The following FRYL variants were observed in gnomAD, a reference collection of about 807,000 sequenced individuals.
The protein encoded by FRYL is protein furry homolog-like.
Under a neutral mutation model 351.2 loss-of-function variants are expected in FRYL, and 150 were observed. That is an observed-to-expected ratio of 0.43 (90% CI 0.37 to 0.49). The LOEUF is 0.49. Among genes scored for constraint, FRYL ranks in the 20% least tolerant of loss-of-function variants. The probability of loss-of-function intolerance (pLI) is 0.00; values close to 1 mark genes in which losing one functional copy is unlikely to be tolerated. For missense variants in FRYL, 3,036 were observed against 3,619.3 expected, an observed-to-expected ratio of 0.84 and a Z score of 4.13; for synonymous variants, 1,153 against 1,257.1, an observed-to-expected ratio of 0.92 and a Z score of 1.75.
chr4:48,561,023 T>C (rs1437224380), intron 33 of FRYL, among the ~76,000 whole-genome samples: 1 of 152,170 alleles, frequency 6.6e-6, no homozygotes, highest in Non-Finnish European at 1.5e-5. Flanking sequence ...AGAAAGAGTT[T>C]TGCTCGAGGC....
At chr4:48,575,008 G>A (rs1467817061) in intron 25 of FRYL, 109 bp downstream of exon 25, 42 of 891,664 alleles carry the variant, frequency 4.7e-5, no homozygotes, top group East Asian at 1.3e-4. Flanking sequence ...CCTGGTATGC[G>A]GTCAAGCACT....
At chr4:48,687,516 A>AGG (rs1560861234) in intron 2 of FRYL, among the ~76,000 whole-genome samples, 5 of 46,500 alleles carry the variant, frequency 1.1e-4, no homozygotes, top group Admixed American at 2.5e-4. Context: ...GTGAGGGGGG[A>AGG]GGGGGGCGGA....
At position 48,530,431 on chromosome 4, in the gene FRYL, C is replaced by G. The variant is rs539196875; in HGVS notation, c.6903+725G>C. 2.6e-5 allele frequency among the ~76,000 whole-genome samples: 4 copies of G among 152,272 alleles called. No homozygotes were observed. In the South Asian group the frequency reaches 8.3e-4, roughly 32 times the overall value. The stretch of plus-strand genomic sequence containing the variant: ...TCCTTACCAACTGTCCTCTCCTCCT[C>G]CCTGCTCTATTTTCTATCCTGTGGC... On this transcript the variant is annotated intron_variant, in intron 50 of 63. Coordinates refer to ENST00000358350, the MANE Select transcript of FRYL (RefSeq NM_015030.2).
chr4:48,677,392 A>G (rs147200796), intron 3 of FRYL, among the ~76,000 whole-genome samples: 3,617 of 152,130 alleles, frequency 0.024, 110 homozygotes, highest in Admixed American at 0.095. Flanking sequence ...AGGAAAAAAT[A>G]ACGATTTTTT....
intron 3 of FRYL, among the ~76,000 whole-genome samples, chr4:48,658,421 T>C (rs1453938200): frequency 1.3e-5 from 2 of 152,060 alleles, no homozygotes; most frequent in South Asian, 4.2e-4. Context: ...TTCTCTTTTC[T>C]GGAGTTTAGA....
intron 2 of FRYL, among the ~76,000 whole-genome samples, chr4:48,695,081 C>A (rs1289327824): frequency 6.6e-6 from 1 of 152,060 alleles, no homozygotes; most frequent in Non-Finnish European, 1.5e-5. Context: ...AACAAACAAA[C>A]AAACAAAAAA....
chr4:48,528,360 G>A (rs774420633), intron 50 of FRYL, 24 bp from the exon 51 acceptor site: 2 of 1,570,306 alleles, frequency 1.3e-6, no homozygotes, highest in Non-Finnish European at 1.7e-6. Flanking sequence ...AAATGTCAGT[G>A]TTTGGCTCAA....
chr4:48,594,092 A>C, intron 15 of FRYL, 76 bp from the exon 16 acceptor site: 2 of 795,278 alleles, frequency 2.5e-6, no homozygotes, highest in Non-Finnish European at 3.8e-6. Context: ...TATAATATAC[A>C]ATGACAACAA....
chr4:48,556,343 A>T (rs73814794), intron 35 of FRYL, among the ~76,000 whole-genome samples: 1 of 152,174 alleles, frequency 6.6e-6, no homozygotes, highest in African/African-American at 2.4e-5. Context: ...TCATAGTTTC[A>T]TATCAAATGT....
chr4:48,621,373 G>A (rs1366130590), intron 5 of FRYL, among the ~76,000 whole-genome samples: 1 of 152,178 alleles, frequency 6.6e-6, no homozygotes, highest in African/African-American at 2.4e-5. Flanking sequence ...GTACTGTGAT[G>A]AACAAATGTT....
chr4:48,533,969 G>GT (rs1728306129), intron 49 of FRYL, among the ~76,000 whole-genome samples: 1 of 152,198 alleles, frequency 6.6e-6, no homozygotes, highest in South Asian at 2.1e-4. Flanking sequence ...GCTCACGCCT[G>GT]TAATCCCAGC....
intron 13 of FRYL, 117 bp downstream of exon 13, chr4:48,601,903 G>T: frequency 1.8e-6 from 1 of 570,372 alleles, no homozygotes; most frequent in Non-Finnish European, 3.2e-6. Flanking sequence ...GTGGCAAAGT[G>T]TTGCTATTCA....
At chr4:48,581,267 G>C (rs1740841639) in intron 21 of FRYL, among the ~76,000 whole-genome samples, 153 bp downstream of exon 21, 2 of 151,980 alleles carry the variant, frequency 1.3e-5, no homozygotes, top group Admixed American at 1.3e-4. Flanking sequence ...TCGATCTCCT[G>C]ATCTCGTGAT....
chr4:48,551,326 T>G (rs763966772), intron 37 of FRYL, among the ~76,000 whole-genome samples, 168 bp downstream of exon 37: 4 of 152,226 alleles, frequency 2.6e-5, no homozygotes, highest in Non-Finnish European at 5.9e-5. Flanking sequence ...CTAGCATCTT[T>G]AATGTTGAAA....
At chr4:48,763,105 G>GCA (rs1774575190) in intron 1 of FRYL, among the ~76,000 whole-genome samples, 1 of 8,818 alleles carries the variant, frequency 1.1e-4, no homozygotes, top group African/African-American at 3.1e-4. Context: ...GTACAGATCT[G>GCA]TAAAAAAAAA....
chr4:48,671,930 A>G (rs1762832540), intron 3 of FRYL, among the ~76,000 whole-genome samples: 1 of 149,210 alleles, frequency 6.7e-6, no homozygotes, highest in African/African-American at 2.4e-5. Flanking sequence ...TTCAAGCCCC[A>G]TTAACTGTCC....
intron 1 of FRYL, among the ~76,000 whole-genome samples, chr4:48,748,030 A>C (rs1772858952): frequency 6.6e-6 from 1 of 152,144 alleles, no homozygotes; most frequent in Non-Finnish European, 1.5e-5. Flanking sequence ...CAGATCACTT[A>C]AGGTCAGGAG....
chr4:48,534,408 A>C, intron 49 of FRYL, 137 bp downstream of exon 49: 1 of 672,664 alleles, frequency 1.5e-6, no homozygotes, highest in Non-Finnish European at 2.5e-6. Flanking sequence ...CATTTTCCAT[A>C]CTGCAAATAT....
rs115864726 is a variant in FRYL at position 48,774,940 on chromosome 4, T to G, written c.-384+5138A>C. On this transcript the variant is annotated intron_variant, in intron 1 of 63. Transcript: ENST00000358350. ...GCATTTTGAGCTTAAAAGAATGTAT[T>G]ACTACTATGTCAGCAAAATATGAGT... Among the ~76,000 whole-genome samples the G allele has an allele frequency of 4.1e-3, 621 of 152,362 alleles. 5 individuals carry two copies. The highest frequency in any genetic ancestry group is 0.012 in the African/African-American group (510 of 41,576).
Sources: gnomAD v4.1 joint callset for allele counts (sites outside exome capture counted in the v4.1 genomes callset) on GRCh38, gnomAD v4.1.1 for gene constraint, MANE v1.5 for transcripts, NCBI Gene and HGNC (gene_info 2026-07-23, HGNC 2026-07-21) for gene names.